Variants in MYBPC1 observed in about 807,000 individuals in gnomAD.
MYBPC1 encodes myosin-binding protein C, slow-type.
A neutral mutation model predicts 147.1 loss-of-function variants in MYBPC1; 52 were observed. The observed-to-expected ratio is 0.35, with a 90% CI of 0.28 to 0.45. The LOEUF (loss-of-function observed/expected upper bound fraction) is 0.45. MYBPC1 is among the 20% of genes least tolerant of loss of function. The pLI, the probability that MYBPC1 is intolerant of heterozygous loss-of-function variation, is 1.00. For synonymous variants in MYBPC1, 477 were observed against 475.9 expected, an observed-to-expected ratio of 1.00 and a Z score of -0.03; for missense variants, 1,228 against 1,440.3, an observed-to-expected ratio of 0.85 and a Z score of 2.39.
intron 22 of MYBPC1, among the ~76,000 whole-genome samples, chr12:101,663,862 T>G (rs992252494): frequency 6.6e-6 from 1 of 152,192 alleles, no homozygotes; most frequent in Non-Finnish European, 1.5e-5. Flanking sequence ...ACTGGTGGAA[T>G]TGAATTGCAC....
chr12:101,686,391 G>A (rs1419249380), downstream of MYBPC1, among the ~76,000 whole-genome samples: 1 of 152,166 alleles, frequency 6.6e-6, no homozygotes. Context: ...CAGAGCTTCT[G>A]CCAAAACAGC....
rs1418362519 is a variant in MYBPC1 at position 101,648,112 on chromosome 12, A to G, written c.1158A>G (p.Leu386=). 6.2e-7 allele frequency: 1 copy of G among 1,613,080 alleles called. No homozygotes were observed. Among genetic ancestry groups the G allele is most frequent in the Admixed American group, 1.7e-5 (1 of 60,004 alleles). Residue 386 remains leucine, a synonymous_variant, in exon 14 of 32, where the codon TTA becomes TTG. Coordinates refer to ENST00000361466, the MANE Select transcript of MYBPC1 (RefSeq NM_002465.4). ...CTTATTGTGGGGAGAGAGTGGAATT[A>G]GAATGTGAGGTGTCTGAAGATGATG... The part of the protein sequence containing the change: ...TTAYCGERVE[L]ECEVSEDDAN...
intron 3 of MYBPC1, among the ~76,000 whole-genome samples, chr12:101,625,949 A>G (rs1359953797): frequency 6.6e-6 from 1 of 151,950 alleles, no homozygotes; most frequent in Non-Finnish European, 1.5e-5. Flanking sequence ...TTAGCCAGGC[A>G]TGGTGGCAGG....
At chr12:101,683,948 GC>G (rs1402693494) in intron 30 of MYBPC1, among the ~76,000 whole-genome samples, 2 of 151,928 alleles carry the variant, frequency 1.3e-5, no homozygotes, top group African/African-American at 4.8e-5. Flanking sequence ...TGATAATTTT[GC>G]CTTTTAGAAT....
intron 21 of MYBPC1, among the ~76,000 whole-genome samples, chr12:101,663,096 A>G (rs1896853745): frequency 6.6e-6 from 1 of 152,194 alleles, no homozygotes; most frequent in African/African-American, 2.4e-5. Flanking sequence ...ATGTAATACA[A>G]GTTTGCACTT....
At chr12:101,611,367 T>C (rs1229868066) in intron 1 of MYBPC1, among the ~76,000 whole-genome samples, 1 of 152,240 alleles carries the variant, frequency 6.6e-6, no homozygotes, top group African/African-American at 2.4e-5. Flanking sequence ...ATGGAGAATG[T>C]ACATTTAGGG....
intron 1 of MYBPC1, among the ~76,000 whole-genome samples, chr12:101,602,232 T>A (rs1316288645): frequency 6.6e-6 from 1 of 152,184 alleles, no homozygotes; most frequent in Non-Finnish European, 1.5e-5. Context: ...ATTTTTTATT[T>A]GAGATGGAGT....
intron 29 of MYBPC1, among the ~76,000 whole-genome samples, chr12:101,682,369 G>T (rs886196029): frequency 5.9e-5 from 9 of 152,046 alleles, no homozygotes; most frequent in Non-Finnish European, 1.2e-4. Flanking sequence ...GTAGTAAATG[G>T]TACAGTAATT....
intron 2 of MYBPC1, 44 bp from the exon 3 acceptor site, chr12:101,617,158 T>C (rs374936112): frequency 2.5e-6 from 4 of 1,605,084 alleles, no homozygotes; most frequent in Non-Finnish European, 3.4e-6. Context: ...CACAATAAAA[T>C]GCTTTAAGGC....
chr12:101,690,620 G>T (rs1302619989), downstream of MYBPC1, among the ~76,000 whole-genome samples: 1 of 152,144 alleles, frequency 6.6e-6, no homozygotes, highest in African/African-American at 2.4e-5. Context: ...TGATTAAAGG[G>T]TATAAACAAG....
chr12:101,629,983 T>C (rs911899379), intron 6 of MYBPC1, among the ~76,000 whole-genome samples: 1 of 152,138 alleles, frequency 6.6e-6, no homozygotes, highest in Non-Finnish European at 1.5e-5. Flanking sequence ...ACTACTTCTA[T>C]CTATTTCTAA....
At chr12:101,662,573 C>T (rs1896749752) in intron 21 of MYBPC1, 27 bp downstream of exon 21, 1 of 1,608,236 alleles carries the variant, frequency 6.2e-7, no homozygotes. Context: ...GAGTCTTTGT[C>T]ATCAGAATCA....
chr12:101,633,014 T>C (rs189213423), intron 8 of MYBPC1, among the ~76,000 whole-genome samples: 5 of 152,180 alleles, frequency 3.3e-5, no homozygotes, highest in Non-Finnish European at 7.3e-5. Context: ...GGATTACAGG[T>C]GTGAGCCACT....
At chr12:101,628,819 C>T (rs1234239573) in intron 5 of MYBPC1, among the ~76,000 whole-genome samples, 2 of 152,182 alleles carry the variant, frequency 1.3e-5, no homozygotes, top group Non-Finnish European at 2.9e-5. Flanking sequence ...TTTGCTTTTC[C>T]CCCTTGCAGC....
chr12:101,640,467 C>T (rs753912500), intron 10 of MYBPC1, among the ~76,000 whole-genome samples: 2 of 152,114 alleles, frequency 1.3e-5, no homozygotes, highest in East Asian at 1.9e-4. Flanking sequence ...TTAAGCTTTT[C>T]GATTTTCTCA....
chr12:101,624,955 T>C (rs1888253135), intron 3 of MYBPC1, among the ~76,000 whole-genome samples: 1 of 152,072 alleles, frequency 6.6e-6, no homozygotes, highest in South Asian at 2.1e-4. Flanking sequence ...GTAGTGTTTC[T>C]TGCTTCTCAT....
At chr12:101,652,066 G>A (rs767978379) in intron 16 of MYBPC1, among the ~76,000 whole-genome samples, 26 of 152,186 alleles carry the variant, frequency 1.7e-4, no homozygotes, top group Non-Finnish European at 3.1e-4. Context: ...TTGCGTAGGG[G>A]ACATAATATC....
At chr12:101,626,827 T>C in intron 3 of MYBPC1, 45 bp from the exon 4 acceptor site, 1 of 1,494,324 alleles carries the variant, frequency 6.7e-7, no homozygotes, top group Non-Finnish European at 9.3e-7. Context: ...TTACTTGGGA[T>C]GAAGTCTTTT....
At chr12:101,626,988 G>A (rs1371021821) in intron 4 of MYBPC1, 78 bp downstream of exon 4, 1 of 1,368,930 alleles carries the variant, frequency 7.3e-7, no homozygotes, top group African/African-American at 1.4e-5. Context: ...AAGGCAGTGA[G>A]CCTCCTTGCT....
Sources: allele counts gnomAD v4.1 joint callset (sites outside exome capture counted in the v4.1 genomes callset), GRCh38; gene constraint gnomAD v4.1.1; transcripts MANE v1.5; gene names NCBI Gene and HGNC (gene_info 2026-07-23, HGNC 2026-07-21).